The following SYT9 variants were observed in gnomAD, a reference collection of about 807,000 sequenced individuals.
The protein encoded by SYT9 is synaptotagmin-9.
Under a neutral mutation model 48.4 loss-of-function variants are expected in SYT9, and 22 were observed. That is an observed-to-expected ratio of 0.45 (90% CI 0.32 to 0.65). The LOEUF is 0.65. Ranked by LOEUF, SYT9 falls within the 30% of genes least tolerant of loss-of-function variation. The pLI is 0.03. For synonymous variants in SYT9, 265 were observed against 245.0 expected (o/e 1.08, Z -0.76); for missense variants, 577 against 622.0 (o/e 0.93, Z 0.77).
At chr11:7,400,137 G>A (rs533442143) in intron 3 of SYT9, among the ~76,000 whole-genome samples, 1 of 152,346 alleles carries the variant, frequency 6.6e-6, no homozygotes, top group East Asian at 1.9e-4. Context: ...TGCACAGCAT[G>A]CTAGCAGCAG....
At chr11:7,407,200 T>C (rs1847032385) in intron 3 of SYT9, among the ~76,000 whole-genome samples, 1 of 152,060 alleles carries the variant, frequency 6.6e-6, no homozygotes, top group African/African-American at 2.4e-5. Flanking sequence ...GCTTTTAAAT[T>C]TAATAAATTT....
intron 1 of SYT9, among the ~76,000 whole-genome samples, chr11:7,239,331 T>C (rs1408679596): frequency 6.6e-6 from 1 of 152,182 alleles, no homozygotes; most frequent in Admixed American, 6.5e-5. Flanking sequence ...GGGTGTTTCA[T>C]CATCCTTTCT....
chr11:7,295,845 T>C (rs1229089801), intron 1 of SYT9, among the ~76,000 whole-genome samples: 1 of 152,212 alleles, frequency 6.6e-6, no homozygotes, highest in East Asian at 1.9e-4. Context: ...TGATTAGTAG[T>C]TCCTTGAGGG....
chr11:7,324,937 G>A (rs997175526), intron 3 of SYT9, among the ~76,000 whole-genome samples: 1 of 152,004 alleles, frequency 6.6e-6, no homozygotes, highest in African/African-American at 2.4e-5. Context: ...CTCCTACTAT[G>A]ATGGTGGATT....
intron 2 of SYT9, among the ~76,000 whole-genome samples, chr11:7,306,595 T>G (rs1589931075): frequency 1.3e-5 from 2 of 152,210 alleles, no homozygotes; most frequent in African/African-American, 4.8e-5. Context: ...CCTTCCTGCC[T>G]TGAGGTCTTC....
At chr11:7,339,190 T>C (rs1849675743) in intron 3 of SYT9, among the ~76,000 whole-genome samples, 1 of 152,166 alleles carries the variant, frequency 6.6e-6, no homozygotes, top group African/African-American at 2.4e-5. Flanking sequence ...TTTTTCTGAT[T>C]TCCATTTTCT....
At chr11:7,277,189 A>G (rs1348089195) in intron 1 of SYT9, among the ~76,000 whole-genome samples, 1 of 152,240 alleles carries the variant, frequency 6.6e-6, no homozygotes, top group Non-Finnish European at 1.5e-5. Context: ...ATCTAACTCC[A>G]TGACTGAAAC....
intron 3 of SYT9, among the ~76,000 whole-genome samples, chr11:7,330,757 T>C (rs1022123679): frequency 4.6e-5 from 7 of 152,058 alleles, no homozygotes. Context: ...AGGGCAGTGG[T>C]GTGATCTTGG....
chr11:7,458,427 G>T (rs1848187117), intron 6 of SYT9, among the ~76,000 whole-genome samples: 1 of 152,166 alleles, frequency 6.6e-6, no homozygotes, highest in Admixed American at 6.5e-5. Flanking sequence ...GTTGCAGTGA[G>T]CCGAGATCAT....
chr11:7,447,536 A>G (rs1482649619), intron 6 of SYT9, among the ~76,000 whole-genome samples: 1 of 152,198 alleles, frequency 6.6e-6, no homozygotes, highest in Non-Finnish European at 1.5e-5. Flanking sequence ...CGAACTCAAC[A>G]TACAGATAAA....
intron 3 of SYT9, among the ~76,000 whole-genome samples, chr11:7,410,725 G>C (rs1847121133): frequency 1.3e-5 from 2 of 152,012 alleles, no homozygotes; most frequent in South Asian, 4.1e-4. Context: ...CTTTACTTTG[G>C]GTGTATATGT....
At chr11:7,412,669 T>C (rs1440501863) in intron 3 of SYT9, among the ~76,000 whole-genome samples, 1 of 152,150 alleles carries the variant, frequency 6.6e-6, no homozygotes, top group African/African-American at 2.4e-5. Flanking sequence ...CTTGCTGAAA[T>C]GCTAGTAGTG....
intron 3 of SYT9, among the ~76,000 whole-genome samples, chr11:7,414,785 G>A (rs1847206829): frequency 6.6e-6 from 1 of 152,186 alleles, no homozygotes; most frequent in African/African-American, 2.4e-5. Context: ...GGTTGGGCGA[G>A]GTGACCTTCC....
At chr11:7,292,817 G>A (rs1848717470) in intron 1 of SYT9, among the ~76,000 whole-genome samples, 1 of 152,172 alleles carries the variant, frequency 6.6e-6, no homozygotes, top group South Asian at 2.1e-4. Flanking sequence ...CCAATTATGT[G>A]GGTGTAAAAT....
chr11:7,271,409 T>C (rs1231773593), intron 1 of SYT9, among the ~76,000 whole-genome samples: 1 of 152,124 alleles, frequency 6.6e-6, no homozygotes, highest in East Asian at 1.9e-4. Context: ...GTTGGGTCTG[T>C]AGCAAGAGCA....
intron 1 of SYT9, among the ~76,000 whole-genome samples, chr11:7,270,129 A>G (rs1013548251): frequency 1.3e-5 from 2 of 152,194 alleles, no homozygotes; most frequent in Non-Finnish European, 2.9e-5. Flanking sequence ...GAGTGTATCA[A>G]TTCTTTGGTA....
Position 7,319,989 on chromosome 11 carries a change from T to C in SYT9, c.1044+6048T>C, listed in dbSNP as rs1849310680. On this transcript the variant is annotated intron_variant, in intron 3 of 6. Transcript: ENST00000318881. Reference sequence around the variant, plus strand: ...TACCTGAAGGAGTTTCTGTGAGTATTCAAACCTATTGCAAGAAACACTGCT... The same window carrying C: ...TACCTGAAGGAGTTTCTGTGAGTATCCAAACCTATTGCAAGAAACACTGCT... Among the ~76,000 whole-genome samples, 3 of 152,222 alleles carry C rather than the reference T, an allele frequency of 2.0e-5. No homozygotes were observed. The South Asian group carries it at 6.2e-4, about 31-fold the overall frequency.
At chr11:7,462,560 A>G (rs953910292) in intron 6 of SYT9, among the ~76,000 whole-genome samples, 3 of 152,230 alleles carry the variant, frequency 2.0e-5, no homozygotes, top group African/African-American at 7.2e-5. Flanking sequence ...AATTTTTCAT[A>G]TATTTGTAAA....
rs1228357997 is a variant in SYT9 at position 7,468,147 on chromosome 11, A to G, written c.*1347A>G. On this transcript the variant is annotated 3_prime_UTR_variant, in exon 7 of 7. Transcript: ENST00000318881. ...AAGATAGTATTTTTCTTTTCACACAATCTCTTTACAGCAGAATCCAGAGTT... is the reference window on the plus strand; with the variant it reads ...AAGATAGTATTTTTCTTTTCACACAGTCTCTTTACAGCAGAATCCAGAGTT... 1.5e-5 allele frequency: 6 copies of G among 397,440 alleles called. No individual in the cohort carries two copies. Among genetic ancestry groups the G allele is most frequent in the Non-Finnish European group, 2.7e-5 (6 of 225,500 alleles). 24.6% of individuals were successfully genotyped at this position (397,440 alleles called of 1,614,324 possible).
Sources: allele counts gnomAD v4.1 joint callset (sites outside exome capture counted in the v4.1 genomes callset), GRCh38; gene constraint gnomAD v4.1.1; transcripts MANE v1.5; gene names NCBI Gene and HGNC (gene_info 2026-07-23, HGNC 2026-07-21).